The following SLC25A48 variants were observed in gnomAD, a reference collection of about 807,000 sequenced individuals.
SLC25A48 encodes CTC-321K16.1.
In SLC25A48, 29 loss-of-function variants were observed where a neutral mutation model predicts 32.2. That is an observed-to-expected ratio of 0.90 (90% CI 0.67 to 1.23). The LOEUF (loss-of-function observed/expected upper bound fraction) is 1.23, where lower values mean the gene tolerates loss of function less well. SLC25A48 is among the 50% of genes most tolerant of loss of function. The pLI, the probability that SLC25A48 is intolerant of heterozygous loss-of-function variation, is 0.00. For missense variants in SLC25A48, 399 were observed against 422.7 expected, an observed-to-expected ratio of 0.94 and a Z score of 0.49; for synonymous variants, 164 against 172.3, an observed-to-expected ratio of 0.95 and a Z score of 0.38.
chr5:135,817,522 C>T (rs530004783), intron 4 of SLC25A48, among the ~76,000 whole-genome samples: 10 of 152,224 alleles, frequency 6.6e-5, no homozygotes, highest in African/African-American at 1.9e-4. Flanking sequence ...ACTCAAATAG[C>T]ATCAATGAAC....
chr5:135,734,677 C>T (rs369853536), intron 3 of SLC25A48, among the ~76,000 whole-genome samples: 10 of 152,002 alleles, frequency 6.6e-5, no homozygotes, highest in South Asian at 2.1e-4. Flanking sequence ...ATTAGCCGGG[C>T]GCAGAGGCAG....
chr5:135,603,500 C>A (rs925042169), intron 1 of SLC25A48, among the ~76,000 whole-genome samples: 7 of 152,220 alleles, frequency 4.6e-5, no homozygotes, highest in Non-Finnish European at 8.8e-5. Context: ...CAGGACAGGC[C>A]TCCCAGCAGG....
At chr5:135,799,244 T>C (rs1757261673) in intron 3 of SLC25A48, among the ~76,000 whole-genome samples, 1 of 151,808 alleles carries the variant, frequency 6.6e-6, no homozygotes, top group Admixed American at 6.6e-5. Context: ...CCTTCTGTGA[T>C]ATTGTTTCCA....
intron 3 of SLC25A48, among the ~76,000 whole-genome samples, chr5:135,793,688 A>G (rs1460811753): frequency 6.6e-6 from 1 of 151,334 alleles, no homozygotes; most frequent in Non-Finnish European, 1.5e-5. Flanking sequence ...TGGGTTTATT[A>G]TTTGTAATAT....
intron 1 of SLC25A48, among the ~76,000 whole-genome samples, chr5:135,627,726 C>G (rs1752470008): frequency 7.0e-6 from 1 of 142,052 alleles, no homozygotes; most frequent in Non-Finnish European, 1.5e-5. Flanking sequence ...TATAGTCACC[C>G]AGTCCTATTA....
rs143969624 is a variant in SLC25A48 at position 135,714,313 on chromosome 5, G to A, written c.-521+79357G>A. On this transcript the variant is annotated intron_variant, in intron 3 of 10. Transcript: ENST00000646290. The stretch of plus-strand genomic sequence containing the variant: ...GGGGACCAGACAGAAGCAGATGAGG[G>A]CTTTGTGGTCCACAAATTCCTCCAG... 9.5e-3 allele frequency among the ~76,000 whole-genome samples: 1,440 copies of A among 152,290 alleles called. 9 individuals are homozygous for A. Among genetic ancestry groups the A allele is most frequent in the Non-Finnish European group, 0.012 (849 of 68,026 alleles).
At chr5:135,674,650 T>A (rs1476494149) in intron 3 of SLC25A48, among the ~76,000 whole-genome samples, 2 of 152,012 alleles carry the variant, frequency 1.3e-5, no homozygotes, top group African/African-American at 4.8e-5. Flanking sequence ...GTTCTGACCA[T>A]GTTGCTGTGA....
chr5:135,594,217 G>A (rs1021432501), intron 1 of SLC25A48, among the ~76,000 whole-genome samples: 2 of 152,214 alleles, frequency 1.3e-5, no homozygotes, highest in Admixed American at 6.5e-5. Flanking sequence ...TAAAGCTTTG[G>A]TGTTGGCTGG....
chr5:135,767,551 C>T (rs1195114999), intron 3 of SLC25A48, among the ~76,000 whole-genome samples: 3 of 151,790 alleles, frequency 2.0e-5, no homozygotes, highest in Non-Finnish European at 2.9e-5. Flanking sequence ...TCTGTGTACA[C>T]CCTCTGTGAT....
chr5:135,682,513 T>G (rs946061198), intron 3 of SLC25A48, among the ~76,000 whole-genome samples: 12 of 152,256 alleles, frequency 7.9e-5, no homozygotes, highest in African/African-American at 2.9e-4. Context: ...TGAGCACATG[T>G]ATGTCATATG....
Position 135,781,825 on chromosome 5 carries a change from A to G in SLC25A48, c.-520-30698A>G, listed in dbSNP as rs1476853889. On this transcript the variant is annotated intron_variant, in intron 3 of 10. Coordinates refer to the SLC25A48 transcript ENST00000646290. ...AGGAAGTGTACACCCTTTCTGTGAT[A>G]TTGTTCCCAATATTTACAGGGGGAG... Among the ~76,000 whole-genome samples, 2 of 115,332 alleles carry G rather than the reference A, an allele frequency of 1.7e-5. 1 individual carries two copies. The highest frequency in any genetic ancestry group is 4.3e-5 in the Non-Finnish European group (2 of 46,698). The allele number at this position is 115,332 out of a possible 152,430, so 75.7% of individuals were successfully genotyped here.
chr5:135,871,866 TC>T, intron 5 of SLC25A48, 148 bp downstream of exon 5: 1 of 1,510,776 alleles, frequency 6.6e-7, no homozygotes, highest in Non-Finnish European at 8.9e-7. Flanking sequence ...ACCTACTCTG[TC>T]CCCGGCCCTC....
chr5:135,807,808 A>T (rs1757498232), intron 3 of SLC25A48, among the ~76,000 whole-genome samples: 2 of 150,606 alleles, frequency 1.3e-5, no homozygotes, highest in South Asian at 4.2e-4. Flanking sequence ...TAGGTATTTT[A>T]TGGATATCAT....
intron 3 of SLC25A48, among the ~76,000 whole-genome samples, chr5:135,778,835 A>ACCCCCCCCCCC (rs1440052779): frequency 4.4e-5 from 5 of 114,652 alleles, no homozygotes; most frequent in East Asian, 6.0e-4. Flanking sequence ...AGTGGTGTAC[A>ACCCCCCCCCCC]CACACCCCCC....
intron 1 of SLC25A48, among the ~76,000 whole-genome samples, chr5:135,599,774 C>A (rs1197105065): frequency 6.6e-6 from 1 of 152,204 alleles, no homozygotes; most frequent in South Asian, 2.1e-4. Flanking sequence ...CTTGGTGCCA[C>A]CTTTGGCCTG....
chr5:135,808,257 T>C (rs2126648920), intron 3 of SLC25A48, among the ~76,000 whole-genome samples: 1 of 150,436 alleles, frequency 6.6e-6, no homozygotes, highest in East Asian at 1.9e-4. Context: ...TTATTATAAA[T>C]ATTTTAGATA....
intron 3 of SLC25A48, among the ~76,000 whole-genome samples, chr5:135,718,040 G>C (rs6879940): frequency 0.71 from 107,056 of 151,842 alleles, 38,101 homozygotes; most frequent in Middle Eastern, 0.77. Flanking sequence ...GGGAGTCTTG[G>C]TCTGTCGCCC....
chr5:135,612,482 A>G (rs1481388132), intron 1 of SLC25A48, among the ~76,000 whole-genome samples: 3 of 152,122 alleles, frequency 2.0e-5, no homozygotes, highest in Non-Finnish European at 4.4e-5. Context: ...ACTTCTATCT[A>G]TCTGTATCGT....
intron 3 of SLC25A48, among the ~76,000 whole-genome samples, chr5:135,641,511 A>AT (rs1491331584): frequency 0.23 from 89 of 386 alleles, no homozygotes; most frequent in African/African-American, 0.39. Flanking sequence ...TTGAAGAACA[A>AT]CATAGGCTCC....
Sources: gnomAD v4.1 joint callset for allele counts (sites outside exome capture counted in the v4.1 genomes callset) on GRCh38, gnomAD v4.1.1 for gene constraint, MANE v1.5 for transcripts, NCBI Gene and HGNC (gene_info 2026-07-23, HGNC 2026-07-21) for gene names.